The following CELF2 variants were observed in gnomAD, a reference collection of about 807,000 sequenced individuals.
The protein encoded by CELF2 is CUGBP Elav-like family member 2, also known as CUG triplet repeat RNA-binding protein 2.
In CELF2, 8 loss-of-function variants were observed where a neutral mutation model predicts 62.6. The observed-to-expected ratio is 0.13, with a 90% CI of 0.07 to 0.23. The LOEUF (loss-of-function observed/expected upper bound fraction) is 0.23. Ranked by LOEUF, CELF2 falls within the 10% of genes least tolerant of loss-of-function variation. CELF2 has a pLI of 1.00. For synonymous variants in CELF2, 258 were observed against 250.0 expected, an observed-to-expected ratio of 1.03 and a Z score of -0.30; for missense variants, 333 against 671.0, an observed-to-expected ratio of 0.50 and a Z score of 5.56.
At chr10:10,741,373 T>A in the CELF2 span, among the ~76,000 whole-genome samples, 1 of 150,980 alleles carries the variant, frequency 6.6e-6, no homozygotes, top group Non-Finnish European at 1.5e-5. Flanking sequence ...TAGCTGGGCG[T>A]GGTGGTGGGC....
At chr10:10,915,149 AGAT>A (rs796951474) in intron 1 of CELF2, among the ~76,000 whole-genome samples, 4,132 of 128,458 alleles carry the variant, frequency 0.032, 83 homozygotes, top group African/African-American at 0.081. Context: ...AAAAAAAAAA[AGAT>A]TTTTTAGTGT....
At chr10:11,272,740 C>A (rs1304112106) in intron 7 of CELF2, among the ~76,000 whole-genome samples, 2 of 152,208 alleles carry the variant, frequency 1.3e-5, no homozygotes, top group Non-Finnish European at 2.9e-5. Flanking sequence ...AGCCCTTTCT[C>A]TGAAAGAGCC....
chr10:11,314,600 GA>G lies in CELF2; in HGVS notation c.1096+346del. Reference sequence around the variant, plus strand: ...CCTGCGAGGCAGGGTGTTACGGTGGGAAAAGTTAATGGACTGGAAGGCTGGA... The same window carrying G: ...CCTGCGAGGCAGGGTGTTACGGTGGGAAAGTTAATGGACTGGAAGGCTGGA... On this transcript the variant is annotated intron_variant, in intron 10 of 12. Transcript: ENST00000633077. The surrounding 1 kb of genome is among the most constrained non-coding windows in gnomAD (Gnocchi z 5.3). 2.7e-6 allele frequency: 1 copy of G among 364,438 alleles called. No individual in the cohort carries two copies. Among genetic ancestry groups the G allele is most frequent in the Non-Finnish European group, 5.3e-6 (1 of 187,518 alleles). 22.6% of individuals were successfully genotyped at this position (364,438 alleles called of 1,614,324 possible). A position where few individuals can be genotyped will look rare whatever the true frequency, so the allele number is the denominator to read the frequency against.
In CELF2 at chr10:11,329,220, C is replaced by A. The variant is rs914843700; in HGVS notation, c.*167C>A. The A allele has an allele frequency of 7.6e-6, 4 of 527,002 alleles. No homozygotes were observed. Among genetic ancestry groups the A allele is most frequent in the African/African-American group, 2.0e-5 (1 of 51,200 alleles). 32.6% of individuals were successfully genotyped at this position (527,002 alleles called of 1,614,324 possible). On this transcript the variant is annotated 3_prime_UTR_variant, in exon 13 of 13. Transcript: ENST00000633077. The surrounding 1 kb of genome is among the most constrained non-coding windows in gnomAD (Gnocchi z 5.5). ...TCCATGTCCCCACCCACTTCCCCTA[C>A]CCAGTTTGCCATAATTAAAACTTGG...
intron 1 of CELF2, among the ~76,000 whole-genome samples, chr10:10,858,131 G>A (rs2059855160): frequency 6.6e-6 from 1 of 152,072 alleles, no homozygotes; most frequent in South Asian, 2.1e-4. Context: ...AAGGTTTGAG[G>A]ACAGAATAAA....
At chr10:10,679,809 C>T in the CELF2 span, among the ~76,000 whole-genome samples, 4 of 152,210 alleles carry the variant, frequency 2.6e-5, no homozygotes, top group East Asian at 1.9e-4. Flanking sequence ...GAAAAATACA[C>T]GATAAATACA....
Position 11,297,239 on chromosome 10 carries a change from C to T in CELF2, c.976+8687C>T, listed in dbSNP as rs1590950696. On this transcript the variant is annotated intron_variant, in intron 9 of 12. Transcript: ENST00000633077. This position sits in a 1 kb window ranked among gnomAD's most constrained non-coding sequence, Gnocchi z 4.4. Reference sequence around the variant, plus strand: ...CATGGAGAGCTCAAGTGCACATGAACGGACATTCCGTGAAATGTGTCCAGC... The same window carrying T: ...CATGGAGAGCTCAAGTGCACATGAATGGACATTCCGTGAAATGTGTCCAGC... Among the ~76,000 whole-genome samples, 2 of 152,262 alleles carry T rather than the reference C, an allele frequency of 1.3e-5. No homozygotes were observed. Among genetic ancestry groups the T allele is most frequent in the African/African-American group, 2.4e-5 (1 of 41,552 alleles).
At chr10:11,265,454 A>C (rs953460003) in intron 5 of CELF2, among the ~76,000 whole-genome samples, 4 of 152,254 alleles carry the variant, frequency 2.6e-5, no homozygotes, top group African/African-American at 9.6e-5. Context: ...GCTGAAAATC[A>C]ATGCACTTTT....
At chr10:10,542,296 C>T in the CELF2 span, among the ~76,000 whole-genome samples, 4 of 152,118 alleles carry the variant, frequency 2.6e-5, no homozygotes, top group Admixed American at 1.3e-4. Context: ...AACATTGATG[C>T]CTCTATTCAA....
At chr10:10,762,761 G>T in the CELF2 span, among the ~76,000 whole-genome samples, 1 of 152,084 alleles carries the variant, frequency 6.6e-6, no homozygotes, top group African/African-American at 2.4e-5. Flanking sequence ...AAAAAATGAG[G>T]TCAGCTGTGG....
At chr10:10,865,301 G>T (rs189649045) in intron 1 of CELF2, among the ~76,000 whole-genome samples, 1 of 152,312 alleles carries the variant, frequency 6.6e-6, no homozygotes, top group Admixed American at 6.5e-5. Context: ...AGTTCAAGTG[G>T]CATGAAGGTT....
intron 1 of CELF2, among the ~76,000 whole-genome samples, chr10:10,899,987 T>A (rs1242871101): frequency 6.6e-6 from 1 of 152,228 alleles, no homozygotes; most frequent in Non-Finnish European, 1.5e-5. Context: ...ACCCCTGTTT[T>A]AAATGAAATG....
the CELF2 span, among the ~76,000 whole-genome samples, chr10:10,647,436 T>C: frequency 6.6e-6 from 1 of 152,148 alleles, no homozygotes; most frequent in African/African-American, 2.4e-5. Flanking sequence ...AATTTGCAAA[T>C]GCAAACATCA....
intron 1 of CELF2, among the ~76,000 whole-genome samples, chr10:11,100,062 C>T (rs947191198): frequency 2.0e-5 from 3 of 151,794 alleles, no homozygotes; most frequent in African/African-American, 7.3e-5. Flanking sequence ...AATAGCCGGG[C>T]ATGGTGGTGG....
At chr10:10,501,916 CT>C in the CELF2 span, among the ~76,000 whole-genome samples, 1 of 152,084 alleles carries the variant, frequency 6.6e-6, no homozygotes, top group Admixed American at 6.6e-5. Context: ...TTCTTTAATG[CT>C]TTTTAGCAAG....
rs370769670 is a variant in CELF2, at chr10:11,309,495, A to G, written c.977-4644A>G. Among the ~76,000 whole-genome samples, 51 of 152,182 alleles carry G rather than the reference A, an allele frequency of 3.4e-4. No individual in the cohort carries two copies. Among genetic ancestry groups the G allele is most frequent in the African/African-American group, 1.2e-3 (50 of 41,510 alleles). ...CTGCCTCTTTGCCTGATCTCTGTTA[A>G]GTTTCTGGCTGCTGTATCTCTGTTG... On this transcript the variant is annotated intron_variant, in intron 9 of 12. Transcript: ENST00000633077. The surrounding 1 kb of genome is among the most constrained non-coding windows in gnomAD (Gnocchi z 5.6).
At chr10:10,599,050 C>T in the CELF2 span, among the ~76,000 whole-genome samples, 1 of 152,036 alleles carries the variant, frequency 6.6e-6, no homozygotes, top group East Asian at 1.9e-4. Flanking sequence ...TCATGCCCGG[C>T]CAGGGCTGAT....
At chr10:11,284,832 A>G (rs1238465729) in intron 8 of CELF2, among the ~76,000 whole-genome samples, 1 of 133,978 alleles carries the variant, frequency 7.5e-6, no homozygotes, top group Non-Finnish European at 1.6e-5. Flanking sequence ...GTGGGAGAAT[A>G]ATGGATGGAT....
chr10:10,975,385 G>T (rs201090), intron 2 of CELF2, among the ~76,000 whole-genome samples: 17,153 of 152,060 alleles, frequency 0.11, 3,273 homozygotes, highest in African/African-American at 0.39. Flanking sequence ...TCCCACCTAG[G>T]TCTCCCTCAA....
Sources: gnomAD v4.1 joint callset for allele counts (sites outside exome capture counted in the v4.1 genomes callset) on GRCh38, gnomAD v4.1.1 for gene constraint, Gnocchi (gnomAD v3.1) non-coding constraint, MANE v1.5 for transcripts, NCBI Gene and HGNC (gene_info 2026-07-23, HGNC 2026-07-21) for gene names.